Variants in ADPRHL1 observed in about 807,000 individuals in gnomAD.
The protein encoded by ADPRHL1 is ADP-ribosylhydrolase like 1.
In ADPRHL1, 43 loss-of-function variants were observed where a neutral mutation model predicts 44.1. The observed-to-expected ratio is 0.98, with a 90% CI of 0.76 to 1.26. ADPRHL1 has a LOEUF of 1.26. ADPRHL1 is among the 50% of genes most tolerant of loss of function. The probability of loss-of-function intolerance (pLI) is 0.00; values close to 1 mark genes in which losing one functional copy is unlikely to be tolerated. For synonymous variants in ADPRHL1, 878 were observed against 1,017.4 expected, an observed-to-expected ratio of 0.86 and a Z score of 2.61; for missense variants, 2,022 against 2,496.9, an observed-to-expected ratio of 0.81 and a Z score of 4.05.
intron 1 of ADPRHL1, among the ~76,000 whole-genome samples, chr13:113,445,212 G>A (rs560312732): frequency 2.6e-5 from 4 of 152,236 alleles, no homozygotes; most frequent in African/African-American, 7.2e-5. Flanking sequence ...CCCAGCACGC[G>A]GGAGGCCCAG....
rs937826430 is a variant in ADPRHL1, at chr13:113,404,911, C to T, written c.4371G>A (p.Thr1457=). ...QGPWEERGRS[T]AWGEGTRAAR... ...CAGCCCTGGTGCCCTCTCCCCACGC[C>T]GTGCTCCGCCCCCGCTCCTCCCAGG... The change falls in exon 8 of 8, where the codon ACG becomes ACA. Residue 1457 remains threonine, a synonymous_variant. Transcript: ENST00000612156. The T allele has an allele frequency of 2.2e-5, 27 of 1,243,758 alleles. No homozygotes were observed. Among genetic ancestry groups the T allele is most frequent in the Non-Finnish European group, 2.6e-5 (26 of 996,054 alleles). The allele number at this position is 1,243,758 out of a possible 1,614,324, so 77.0% of individuals were successfully genotyped here.
At chr13:113,424,114 G>A in intron 6 of ADPRHL1, 103 bp downstream of exon 6, 8 of 1,459,348 alleles carry the variant, frequency 5.5e-6, no homozygotes, top group Non-Finnish European at 7.4e-6. Context: ...TGGAGCTCAG[G>A]AGGTGGCCCC....
intron 2 of ADPRHL1, among the ~76,000 whole-genome samples, chr13:113,435,427 C>T (rs372676807): frequency 4.3e-5 from 5 of 116,814 alleles, no homozygotes; most frequent in East Asian, 3.1e-4. Flanking sequence ...AGGTGTACCC[C>T]GGGACCCAGC....
chr13:113,443,962 A>T (rs1339202054), intron 2 of ADPRHL1, among the ~76,000 whole-genome samples: 1 of 152,196 alleles, frequency 6.6e-6, no homozygotes, highest in Admixed American at 6.5e-5. Context: ...AAAAAATTTA[A>T]AGCGTGCTTT....
intron 7 of ADPRHL1, among the ~76,000 whole-genome samples, chr13:113,414,343 C>T (rs920031933): frequency 1.3e-5 from 2 of 152,230 alleles, no homozygotes; most frequent in African/African-American, 2.4e-5. Flanking sequence ...GAGGCCTGCA[C>T]TGCCATTTCC....
chr13:113,442,409 C>T (rs531544139), intron 2 of ADPRHL1, among the ~76,000 whole-genome samples: 7 of 152,338 alleles, frequency 4.6e-5, no homozygotes, highest in Middle Eastern at 3.4e-3. Context: ...AAGTGGCACC[C>T]GTATCTGTGC....
chr13:113,421,616 A>T (rs4907640), intron 7 of ADPRHL1, among the ~76,000 whole-genome samples: 27 of 152,126 alleles, frequency 1.8e-4, no homozygotes, highest in African/African-American at 6.5e-4. Flanking sequence ...GACCCAATGC[A>T]CCTGGGAGCT....
chr13:113,404,791 C>T lies in ADPRHL1; in HGVS notation c.4491G>A (p.Arg1497=). The T allele has an allele frequency of 2.4e-6, 3 of 1,255,790 alleles. No individual in the cohort carries two copies. Among genetic ancestry groups the T allele is most frequent in the African/African-American group, 1.5e-5 (1 of 64,704 alleles). 77.8% of individuals were successfully genotyped at this position (1,255,790 alleles called of 1,614,324 possible). Residue 1497 remains arginine (R), a synonymous_variant, in exon 8 of 8, where the codon CGG becomes CGA. Transcript: ENST00000612156. ...CTTGAGCGTGTCCCTGAACCTGTCC[C>T]CGGTCCCATTCCTGAACCTGTTTCT... ...QAQKQVQEWD[R]GQVQGHAQEQ...
chr13:113,453,394 T>C lies in ADPRHL1; in HGVS notation c.44A>G (p.Asp15Gly), dbSNP rs1282951928. ...GCAGACATTTCTGTAGCCAAGAGCATCGCCGACGCTCCCCAGCAACATCGC... is the reference window on the plus strand; with the variant it reads ...GCAGACATTTCTGTAGCCAAGAGCACCGCCGACGCTCCCCAGCAACATCGC... ...KAAMLLGSVG[D>G]ALGYRNVCKE... Residue 15 changes from aspartate to glycine, a missense_variant, in exon 1 of 8, where the codon GAT becomes GGT. Physicochemically the swap from Asp to Gly is moderately conservative, Grantham distance 94 (BLOSUM62 -1). Around this residue, in one of 8 missense-constraint regions of ADPRHL1, gnomAD observed 437 missense variants for 430.7 expected, o/e 1.01. Transcript: ENST00000612156. This position sits in a 1 kb window ranked among gnomAD's most constrained non-coding sequence, Gnocchi z 5.4. The C allele has an allele frequency of 1.2e-6, 2 of 1,614,172 alleles. No individual in the cohort carries two copies. Among genetic ancestry groups the C allele is most frequent in the Non-Finnish European group, 8.5e-7 (1 of 1,180,034 alleles).
intron 7 of ADPRHL1, among the ~76,000 whole-genome samples, chr13:113,412,414 G>A (rs922071950): frequency 7.2e-5 from 11 of 152,186 alleles, no homozygotes; most frequent in Non-Finnish European, 1.0e-4. Context: ...TCCTGACCTC[G>A]TGATCCGCCT....
rs964559202 is a variant in ADPRHL1, at chr13:113,410,222, G to A, written c.1062-2002C>T. 2.4e-5 allele frequency: 18 copies of A among 736,582 alleles called. 1 individual carries two copies. In the East Asian group the frequency reaches 5.1e-4, roughly 21 times the overall value. 45.6% of individuals were successfully genotyped at this position (736,582 alleles called of 1,614,324 possible). On this transcript the variant is annotated intron_variant, in intron 7 of 7. Coordinates refer to ENST00000612156, the MANE Select transcript of ADPRHL1 (RefSeq NM_001394807.1). ...CCTTCCCGAGACGCCTCCCTCGCCC[G>A]GTTCAGTGAGTTCACGTGGAGAGAG...
At chr13:113,410,057 C>G (rs1001935689) in intron 7 of ADPRHL1, 4 of 985,286 alleles carry the variant, frequency 4.1e-6, no homozygotes, top group Non-Finnish European at 4.8e-6. Context: ...CCAAGCAGCC[C>G]TGATGGAGGA....
Position 113,433,858 on chromosome 13 carries a change from A to G in ADPRHL1, c.389T>C (p.Phe130Ser). ...HTPFNEKGSG[F>S]GAATKAMCIG... ...GCACATGGCCTTGGTGGCCGCTCCA[A>G]ACCCTGAGCCTGTGTGGAGAAGGAA... Residue 130 changes from phenylalanine (F) to serine (S), a missense_variant, in exon 3 of 8, where the codon TTT (phenylalanine) becomes TCT (serine). By Grantham distance (155) the Phe-to-Ser change is radical (BLOSUM62 -2). Transcript: ENST00000612156. 6.4e-7 allele frequency: 1 copy of G among 1,557,298 alleles called. No individual in the cohort carries two copies. The highest frequency in any genetic ancestry group is 1.4e-5 in the African/African-American group (1 of 73,556).
chr13:113,426,512 C>CT (rs1248414550), intron 4 of ADPRHL1, among the ~76,000 whole-genome samples: 54 of 152,250 alleles, frequency 3.5e-4, no homozygotes, highest in Admixed American at 1.0e-3. Context: ...AGGCTACGCT[C>CT]CTGCCACAGA....
chr13:113,421,317 AC>A (rs537183502), intron 7 of ADPRHL1, among the ~76,000 whole-genome samples: 2 of 18,304 alleles, frequency 1.1e-4, no homozygotes, highest in African/African-American at 5.0e-4. Flanking sequence ...GGACACGCCC[AC>A]CCCGGGACAC....
chr13:113,445,848 G>A (rs1201514266), intron 1 of ADPRHL1, among the ~76,000 whole-genome samples: 1 of 134,242 alleles, frequency 7.4e-6, no homozygotes, highest in Non-Finnish European at 1.6e-5. Context: ...CCCCTGGCGA[G>A]AGCATACAGG....
chr13:113,434,553 G>A (rs1254986442), intron 2 of ADPRHL1, among the ~76,000 whole-genome samples: 40 of 95,494 alleles, frequency 4.2e-4, no homozygotes, highest in South Asian at 1.4e-3. Context: ...CCCGGGACCC[G>A]GCACCCAGGT....
In ADPRHL1 at chr13:113,441,775, C is replaced by T. The variant is rs2044100317; in HGVS notation, c.379+2650G>A. On this transcript the variant is annotated intron_variant, in intron 2 of 7. Transcript: ENST00000612156. This position sits in a 1 kb window ranked among gnomAD's most constrained non-coding sequence, Gnocchi z 6.0. ...GTGTCTCTATCATGCTCCGCCCCGCCGTGTGGGTCTGTGTCTCTATCACGC... is the reference window on the plus strand; with the variant it reads ...GTGTCTCTATCATGCTCCGCCCCGCTGTGTGGGTCTGTGTCTCTATCACGC... Among the ~76,000 whole-genome samples, 1 of 151,926 alleles carries T rather than the reference C, an allele frequency of 6.6e-6. No homozygotes were observed. Among genetic ancestry groups the T allele is most frequent in the Non-Finnish European group, 1.5e-5 (1 of 67,982 alleles).
intron 2 of ADPRHL1, among the ~76,000 whole-genome samples, chr13:113,437,108 G>A (rs12866989): frequency 3.7e-5 from 5 of 134,836 alleles, no homozygotes; most frequent in Non-Finnish European, 3.2e-5. Context: ...GGTGTACCCC[G>A]GGACCCAGCA....
Sources: allele counts gnomAD v4.1 joint callset (sites outside exome capture counted in the v4.1 genomes callset), GRCh38; gene constraint gnomAD v4.1.1; regional missense constraint gnomAD v4.1.1; non-coding constraint Gnocchi (gnomAD v3.1); transcripts MANE v1.5; gene names NCBI Gene and HGNC (gene_info 2026-07-23, HGNC 2026-07-21).